Variants in R3HDM2 observed in about 807,000 individuals in gnomAD.
R3HDM2 encodes R3H domain-containing protein 2.
R3HDM2 carries 38 observed loss-of-function variants against 124.5 expected under a neutral mutation model. The observed-to-expected ratio is 0.31, with a 90% confidence interval of 0.24 to 0.40. R3HDM2 has a LOEUF of 0.40. Ranked by LOEUF, R3HDM2 falls within the 10% of genes least tolerant of loss-of-function variation. The probability of loss-of-function intolerance (pLI) is 1.00; values close to 1 mark genes in which losing one functional copy is unlikely to be tolerated. For synonymous variants in R3HDM2, 391 were observed against 448.0 expected (o/e 0.87, Z 1.61); for missense variants, 869 against 1,236.9 (o/e 0.70, Z 4.46).
rs1157189916 is a variant in R3HDM2 at position 57,270,073 on chromosome 12, T to C, written c.1345-79A>G. 5.3e-6 allele frequency: 8 copies of C among 1,523,608 alleles called. No homozygotes were observed. The African/African-American group carries it at 5.5e-5, about 10-fold the overall frequency. The allele number at this position is 1,523,608 out of a possible 1,614,324, so 94.4% of individuals were successfully genotyped here. A position where few individuals can be genotyped will look rare whatever the true frequency, so the allele number is the denominator to read the frequency against. ...TGGCTTCAACATAGACAGAGAGAAA[T>C]AGCAATGCTTTTTACAACCTTCTTT... On this transcript the variant is annotated intron_variant, in intron 14 of 23. Coordinates refer to ENST00000402412, the MANE Select transcript of R3HDM2 (RefSeq NM_001394031.1).
At chr12:57,290,379 A>T (rs1489577234) in intron 11 of R3HDM2, among the ~76,000 whole-genome samples, 1 of 152,242 alleles carries the variant, frequency 6.6e-6, no homozygotes, top group East Asian at 1.9e-4. Flanking sequence ...TAGGGGGTTA[A>T]GAGCATAGAC....
intron 2 of R3HDM2, among the ~76,000 whole-genome samples, chr12:57,360,089 C>G (rs1402637766): frequency 7.2e-6 from 1 of 139,488 alleles, no homozygotes; most frequent in Admixed American, 7.7e-5. Context: ...AGTGTAGTGG[C>G]GTGATCTCAG....
chr12:57,422,700 G>A (rs1478077434), intron 1 of R3HDM2, among the ~76,000 whole-genome samples: 3 of 152,196 alleles, frequency 2.0e-5, no homozygotes, highest in Non-Finnish European at 4.4e-5. Flanking sequence ...CAGGGGCCAG[G>A]TGCAGTAATT....
chr12:57,321,580 G>A (rs1260008794), intron 2 of R3HDM2, among the ~76,000 whole-genome samples: 1 of 152,304 alleles, frequency 6.6e-6, no homozygotes, highest in Non-Finnish European at 1.5e-5. Context: ...TGAACCGGGA[G>A]GCAGAGGTTG....
chr12:57,430,502 C>T, intron 1 of R3HDM2: 6 of 980,424 alleles, frequency 6.1e-6, no homozygotes, highest in Non-Finnish European at 6.1e-6. Context: ...CCCGCACCGC[C>T]GCCCTCCGCC....
At position 57,428,754 on chromosome 12, in the gene R3HDM2, T is replaced by A. The variant is rs980445844; in HGVS notation, c.-106+1966A>T. 5.4e-4 allele frequency among the ~76,000 whole-genome samples: 82 copies of A among 151,068 alleles called. 1 individual carries two copies. Among genetic ancestry groups the A allele is most frequent in the Middle Eastern group, 3.4e-3 (1 of 294 alleles). ...AAATATTAGGCATGCTATTATTTTT[T>A]TTTTTTTTTTGAGACAGTCTCTCGC... On this transcript the variant is annotated intron_variant, in intron 1 of 23. Transcript: ENST00000402412.
At chr12:57,299,277 G>A (rs4760126) in intron 6 of R3HDM2, 75 bp downstream of exon 6, 1,400,578 of 1,432,394 alleles carry the variant, frequency 0.98, 688,002 homozygotes, top group East Asian at 1. Flanking sequence ...CAGTAAGGCT[G>A]GCAGGTGCCA....
chr12:57,340,649 C>T (rs926706143), intron 2 of R3HDM2, among the ~76,000 whole-genome samples: 1 of 152,118 alleles, frequency 6.6e-6, no homozygotes, highest in African/African-American at 2.4e-5. Flanking sequence ...TTTCACTTCA[C>T]ACAAAGAATT....
chr12:57,334,577 T>C (rs867159485), intron 2 of R3HDM2, among the ~76,000 whole-genome samples: 1 of 152,140 alleles, frequency 6.6e-6, no homozygotes, highest in Non-Finnish European at 1.5e-5. Flanking sequence ...CATTCTGTTA[T>C]ACTAAAAATG....
chr12:57,385,871 T>C (rs2065663068), intron 2 of R3HDM2, among the ~76,000 whole-genome samples: 1 of 152,118 alleles, frequency 6.6e-6, no homozygotes, highest in Non-Finnish European at 1.5e-5. Context: ...TTCAGAGTAG[T>C]AGTAAAACCC....
intron 1 of R3HDM2, among the ~76,000 whole-genome samples, chr12:57,427,030 C>T (rs574190494): frequency 3.4e-4 from 52 of 152,312 alleles, no homozygotes; most frequent in African/African-American, 1.2e-3. Context: ...CAGAGGCTCA[C>T]GCCTACAATC....
chr12:57,271,771 TAC>T (rs1339369224), intron 14 of R3HDM2, among the ~76,000 whole-genome samples: 1 of 152,178 alleles, frequency 6.6e-6, no homozygotes, highest in Admixed American at 6.5e-5. Context: ...ATTTGTAGAG[TAC>T]AAACGATTTA....
chr12:57,426,234 AT>A (rs1163781171), intron 1 of R3HDM2, among the ~76,000 whole-genome samples: 1 of 152,172 alleles, frequency 6.6e-6, no homozygotes, highest in Non-Finnish European at 1.5e-5. Context: ...TCTCAAAAAA[AT>A]AAATTAATTA....
chr12:57,292,730 C>T, intron 10 of R3HDM2, 63 bp from the exon 11 acceptor site: 1 of 1,043,308 alleles, frequency 9.6e-7, no homozygotes, highest in Non-Finnish European at 1.4e-6. Flanking sequence ...CACTGCACAC[C>T]AGCAAGGAAG....
intron 2 of R3HDM2, among the ~76,000 whole-genome samples, chr12:57,339,469 G>A (rs144609873): frequency 0.013 from 2,052 of 152,064 alleles, 19 homozygotes; most frequent in Non-Finnish European, 0.019. Context: ...TGGGAGGCCG[G>A]TGGGTGGATC....
chr12:57,276,376 A>T (rs1321963140), intron 14 of R3HDM2, among the ~76,000 whole-genome samples: 1 of 152,228 alleles, frequency 6.6e-6, no homozygotes, highest in Non-Finnish European at 1.5e-5. Flanking sequence ...AACCAACCCA[A>T]ATGCCCATCA....
At chr12:57,420,487 C>T (rs745510495) in intron 1 of R3HDM2, among the ~76,000 whole-genome samples, 1 of 151,484 alleles carries the variant, frequency 6.6e-6, no homozygotes, top group Non-Finnish European at 1.5e-5. Flanking sequence ...GAAACTCCTC[C>T]TACTTCTCAT....
chr12:57,341,320 C>T (rs908619755), intron 2 of R3HDM2: 3 of 759,562 alleles, frequency 3.9e-6, no homozygotes, highest in African/African-American at 1.9e-5. Context: ...AAACATCCCA[C>T]TTTGGCTTCA....
rs2045841078 is a variant in R3HDM2, at chr12:57,280,338, G to T, written c.1344+20C>A. The stretch of plus-strand genomic sequence containing the variant: ...CTTGAATCAGAGTGGAGAGGACTCT[G>T]ACACTGAGTGGTGACTCACCTGTGA... On this transcript the variant is annotated intron_variant, in intron 14 of 23. Transcript: ENST00000402412. 2 of 1,607,240 alleles carry T rather than the reference G, an allele frequency of 1.2e-6. No homozygotes were observed. Among genetic ancestry groups the T allele is most frequent in the South Asian group, 2.2e-5 (2 of 89,896 alleles).
Sources: allele counts gnomAD v4.1 joint callset (sites outside exome capture counted in the v4.1 genomes callset), GRCh38; gene constraint gnomAD v4.1.1; transcripts MANE v1.5; gene names NCBI Gene and HGNC (gene_info 2026-07-23, HGNC 2026-07-21).